The following PCDHA3 variants were observed in gnomAD, a reference collection of about 807,000 sequenced individuals.
PCDHA3 encodes the protein protocadherin alpha-3.
Under a neutral mutation model 62.2 loss-of-function variants are expected in PCDHA3, and 41 were observed. The observed-to-expected ratio is 0.66, with a 90% CI of 0.51 to 0.86. PCDHA3 has a LOEUF of 0.86. PCDHA3 is among the 40% of genes least tolerant of loss of function. The pLI, the probability that PCDHA3 is intolerant of heterozygous loss-of-function variation, is 0.00. For missense variants in PCDHA3, 1,304 were observed against 1,241.2 expected, an observed-to-expected ratio of 1.05 and a Z score of -0.76; for synonymous variants, 640 against 555.4, an observed-to-expected ratio of 1.15 and a Z score of -2.14.
chr5:140,830,986 C>T (rs1391216672), intron 1 of PCDHA3: 8 of 152,242 alleles, frequency 5.3e-5, no homozygotes, highest in Admixed American at 5.2e-4. Context: ...GAACTCTGAT[C>T]ATCATAGTTT....
intron 1 of PCDHA3, among the ~76,000 whole-genome samples, chr5:140,818,056 A>G (rs1240015136): frequency 6.6e-6 from 1 of 152,174 alleles, no homozygotes; most frequent in Non-Finnish European, 1.5e-5. Flanking sequence ...CTTTGTTTTT[A>G]ATCTCGCTTG....
intron 1 of PCDHA3, among the ~76,000 whole-genome samples, chr5:140,925,577 C>T (rs931426226): frequency 2.6e-5 from 4 of 151,714 alleles, no homozygotes; most frequent in Non-Finnish European, 5.9e-5. Context: ...AGCACACCAA[C>T]ATGGCGCATG....
intron 1 of PCDHA3, among the ~76,000 whole-genome samples, chr5:140,892,628 T>C (rs1554185308): frequency 6.6e-6 from 1 of 152,166 alleles, no homozygotes; most frequent in African/African-American, 2.4e-5. Flanking sequence ...TGGTACATAA[T>C]AATTGTACAT....
chr5:140,841,134 G>T, intron 1 of PCDHA3: 1 of 689,850 alleles, frequency 1.4e-6, no homozygotes. Flanking sequence ...ACCTTTTGAA[G>T]CCACATGATG....
intron 1 of PCDHA3, among the ~76,000 whole-genome samples, chr5:140,964,843 T>C (rs1229980696): frequency 6.6e-6 from 1 of 152,162 alleles, no homozygotes; most frequent in African/African-American, 2.4e-5. Flanking sequence ...TCCTACTCTG[T>C]ACCCTTGAGG....
chr5:140,917,324 C>CGGGGG (rs1299895515), intron 1 of PCDHA3, among the ~76,000 whole-genome samples: 1 of 76,186 alleles, frequency 1.3e-5, no homozygotes, highest in Non-Finnish European at 2.9e-5. Flanking sequence ...GTTCATGTGG[C>CGGGGG]GGGGGAGGGG....
chr5:140,956,774 C>A (rs1232431991), intron 1 of PCDHA3, among the ~76,000 whole-genome samples: 2 of 152,070 alleles, frequency 1.3e-5, no homozygotes, highest in Non-Finnish European at 2.9e-5. Flanking sequence ...TCTGTCTGGT[C>A]CTGGGCTTTG....
At chr5:140,969,945 A>G (rs2096371634) in intron 1 of PCDHA3, among the ~76,000 whole-genome samples, 1 of 152,214 alleles carries the variant, frequency 6.6e-6, no homozygotes, top group South Asian at 2.1e-4. Flanking sequence ...TACTGAAGCT[A>G]AAGTTTGCTT....
At chr5:141,001,032 TTTAA>T (rs1332637304) in intron 3 of PCDHA3, among the ~76,000 whole-genome samples, 3 of 152,348 alleles carry the variant, frequency 2.0e-5, no homozygotes, top group Middle Eastern at 3.4e-3. Flanking sequence ...TAATAATAGC[TTTAA>T]TTAATTGTAA....
intron 3 of PCDHA3, among the ~76,000 whole-genome samples, chr5:140,995,400 C>T (rs2097681723): frequency 6.6e-6 from 1 of 152,062 alleles, no homozygotes; most frequent in Admixed American, 6.6e-5. Flanking sequence ...CGGGATGGCT[C>T]GAGATTTCAT....
intron 1 of PCDHA3, chr5:140,867,406 C>G (rs1394985393): frequency 6.6e-6 from 1 of 151,958 alleles, no homozygotes; most frequent in East Asian, 1.9e-4. Context: ...GATATGTCTC[C>G]TTTAATTTTT....
intron 1 of PCDHA3, chr5:140,856,399 T>A: frequency 6.3e-7 from 1 of 1,598,492 alleles, no homozygotes; most frequent in Admixed American, 1.7e-5. Flanking sequence ...AGGTTTTCCA[T>A]GTGGACGTGG....
intron 1 of PCDHA3, among the ~76,000 whole-genome samples, chr5:140,956,211 TCCTTG>T (rs2095268091): frequency 6.6e-6 from 1 of 152,198 alleles, no homozygotes; most frequent in Non-Finnish European, 1.5e-5. Flanking sequence ...AAAGAGGGCA[TCCTTG>T]TCTTGTGCTG....
At chr5:140,829,691 C>T in intron 1 of PCDHA3, 1 of 1,613,260 alleles carries the variant, frequency 6.2e-7, no homozygotes, top group Non-Finnish European at 8.5e-7. Context: ...GCTGCAGTTT[C>T]AGGTGAGCGC....
intron 1 of PCDHA3, chr5:140,843,117 C>T: frequency 6.3e-7 from 1 of 1,595,860 alleles, no homozygotes; most frequent in Non-Finnish European, 8.6e-7. Context: ...GCAGTGGACG[C>T]CGACTCGGGC....
At chr5:140,869,203 TC>T in intron 1 of PCDHA3, 30 of 1,614,000 alleles carry the variant, frequency 1.9e-5, no homozygotes, top group Non-Finnish European at 2.5e-5. Flanking sequence ...GCTCCACTAC[TC>T]CGTCTCGGAG....
intron 1 of PCDHA3, among the ~76,000 whole-genome samples, chr5:140,902,823 G>A (rs182466889): frequency 1.6e-3 from 246 of 151,864 alleles, no homozygotes; most frequent in Non-Finnish European, 2.9e-3. Flanking sequence ...TTTGGTTTTC[G>A]ATTTCTGAGT....
intron 1 of PCDHA3, among the ~76,000 whole-genome samples, chr5:140,899,359 T>C (rs1247414230): frequency 6.6e-6 from 1 of 152,116 alleles, no homozygotes; most frequent in Non-Finnish European, 1.5e-5. Context: ...TTTTGAGATA[T>C]GTCCCATCAA....
rs1763143808 is a variant in PCDHA3 at position 140,803,202 on chromosome 5, C to A, written c.2005C>A (p.Leu669Met). The A allele has an allele frequency of 6.2e-7, 1 of 1,613,788 alleles. No homozygotes were observed. Among genetic ancestry groups the A allele is most frequent in the Non-Finnish European group, 8.5e-7 (1 of 1,179,936 alleles). Residue 669 changes from leucine (L) to methionine (M), a missense_variant, in exon 1 of 4, where the codon CTG (leucine) becomes ATG (methionine). By Grantham distance (15) the Leu-to-Met change is conservative. Transcript: ENST00000522353. ...CGCCACGGCCACTGTGCTGGTGTCG[C>A]TGGTGGAGAGTGGCCAGGCACCCAA... ...LTATATVLVS[L>M]VESGQAPKAS...
Sources: allele counts gnomAD v4.1 joint callset (sites outside exome capture counted in the v4.1 genomes callset), GRCh38; gene constraint gnomAD v4.1.1; transcripts MANE v1.5; gene names NCBI Gene and HGNC (gene_info 2026-07-23, HGNC 2026-07-21).